UBR4: variants seen among roughly 807,000 people sequenced by gnomAD.
UBR4 encodes the protein ubiquitin protein ligase E3 component n-recognin 4, also known as E3 ubiquitin-protein ligase UBR4.
Under a neutral mutation model 575.6 loss-of-function variants are expected in UBR4, and 124 were observed. That is an observed-to-expected ratio of 0.22 (90% confidence interval 0.19 to 0.25). The LOEUF is 0.25. Among genes scored for constraint, UBR4 ranks in the 10% least tolerant of loss-of-function variants. The probability of loss-of-function intolerance (pLI) is 1.00; values close to 1 mark genes in which losing one functional copy is unlikely to be tolerated. For synonymous variants in UBR4, 2,455 were observed against 2,473.7 expected (o/e 0.99, Z 0.22); for missense variants, 4,818 against 6,478.8 (o/e 0.74, Z 8.80).
At chr1:19,186,193 A>T (rs57395829) in intron 14 of UBR4, among the ~76,000 whole-genome samples, 3 of 152,202 alleles carry the variant, frequency 2.0e-5, no homozygotes, top group Non-Finnish European at 4.4e-5. Context: ...AACACCTCAC[A>T]TGTGACCTTT....
chr1:19,133,411 A>T (rs926952647), intron 60 of UBR4, among the ~76,000 whole-genome samples: 4 of 152,222 alleles, frequency 2.6e-5, no homozygotes, highest in Non-Finnish European at 5.9e-5. Context: ...ATAAATATCC[A>T]TAAAAAACCC....
intron 49 of UBR4, among the ~76,000 whole-genome samples, chr1:19,150,242 T>A (rs2085480899): frequency 1.3e-5 from 2 of 152,156 alleles, no homozygotes; most frequent in African/African-American, 4.8e-5. Context: ...TGTTTTCCTA[T>A]CATTTCAGCA....
intron 105 of UBR4, 200 bp from the exon 106 acceptor site, chr1:19,075,096 C>T: frequency 1.6e-6 from 1 of 612,894 alleles, no homozygotes; most frequent in South Asian, 1.9e-5. Flanking sequence ...GTTCCAGAAG[C>T]AGGCACTGCT....
chr1:19,179,016 C>T, intron 18 of UBR4, 35 bp downstream of exon 18: 1 of 1,592,998 alleles, frequency 6.3e-7, no homozygotes, highest in South Asian at 1.2e-5. Flanking sequence ...AAGGAAATAA[C>T]TTTCTCTATA....
chr1:19,186,928 T>C (rs938631917), intron 13 of UBR4, among the ~76,000 whole-genome samples: 1 of 152,132 alleles, frequency 6.6e-6, no homozygotes, highest in East Asian at 1.9e-4. Flanking sequence ...TAGCCACGTG[T>C]ATCACAAAAC....
In UBR4 at chr1:19,077,989, T is replaced by C. The variant is rs913599781; in HGVS notation, c.15311A>G (p.Tyr5104Cys). ...LLFWALVDLI[Y>C]NMFKKVPTSN... ...CAGCCTCCTTACCTTAAACATGTTG[T>C]AAATGAGATCGACGAGGGCCCAAAA... The change falls in exon 104 of 106, where the codon TAC becomes TGC. Residue 5104 changes from tyrosine to cysteine, a missense_variant. Transcript: ENST00000375254. 6.2e-7 allele frequency: 1 copy of C among 1,613,888 alleles called. No individual in the cohort carries two copies. The highest frequency in any genetic ancestry group is 1.3e-5 in the African/African-American group (1 of 74,866).
At chr1:19,203,563 T>C (rs1199994266) in intron 1 of UBR4, among the ~76,000 whole-genome samples, 1 of 151,286 alleles carries the variant, frequency 6.6e-6, no homozygotes, top group Non-Finnish European at 1.5e-5. Flanking sequence ...CTCCATTCAC[T>C]GCCTGCAAGA....
At chr1:19,114,659 A>G (rs2080280792) in intron 75 of UBR4, 152 bp downstream of exon 75, 3 of 960,920 alleles carry the variant, frequency 3.1e-6, no homozygotes, top group Non-Finnish European at 3.1e-6. Flanking sequence ...ACCTCATGCC[A>G]TTCTTTGCTC....
At chr1:19,181,865 A>T (rs183367359) in intron 17 of UBR4, among the ~76,000 whole-genome samples, 5 of 152,332 alleles carry the variant, frequency 3.3e-5, no homozygotes, top group Admixed American at 3.3e-4. Context: ...CATTAAGCAC[A>T]TACACATTAT....
chr1:19,187,601 G>C, intron 11 of UBR4, 61 bp from the exon 12 acceptor site: 2 of 1,545,192 alleles, frequency 1.3e-6, no homozygotes, highest in Non-Finnish European at 8.9e-7. Flanking sequence ...TACAACTTCT[G>C]AAGCAGTGGA....
At position 19,120,199 on chromosome 1, in the gene UBR4, G is replaced by C. The variant is rs1386381917; in HGVS notation, c.10291C>G (p.Leu3431Val). The change falls in exon 69 of 106, where the codon CTG (leucine) becomes GTG (valine). Residue 3431 changes from leucine (L) to valine (V), a missense_variant. Transcript: ENST00000375254. ...SSSVRWQAHC[L>V]TLHIYRNSSK... ...CCCTACCTGTAGATGTGCAGTGTCA[G>C]ACAGTGGGCCTGCCAGCGCACCGAG... is the stretch of plus-strand genomic sequence containing the variant. 1.9e-6 allele frequency: 3 copies of C among 1,614,062 alleles called. No homozygotes were observed. Among genetic ancestry groups the C allele is most frequent in the Non-Finnish European group, 2.5e-6 (3 of 1,180,024 alleles).
chr1:19,141,884 C>T, intron 55 of UBR4, 107 bp from the exon 56 acceptor site: 2 of 1,504,344 alleles, frequency 1.3e-6, no homozygotes, highest in South Asian at 1.3e-5. Flanking sequence ...TACCAGCTAG[C>T]ACCCTGGGCT....
At chr1:19,149,002 GACAC>G (rs1443981734) in intron 49 of UBR4, among the ~76,000 whole-genome samples, 2 of 152,188 alleles carry the variant, frequency 1.3e-5, no homozygotes, top group African/African-American at 2.4e-5. Context: ...TGGGCAAAAG[GACAC>G]ACAAAGGGAA....
intron 92 of UBR4, 119 bp from the exon 93 acceptor site, chr1:19,095,771 G>A (rs1254446453): frequency 1.2e-6 from 1 of 860,930 alleles, no homozygotes; most frequent in African/African-American, 1.7e-5. Flanking sequence ...CTCCTGAAAT[G>A]AAGAGGACAG....
chr1:19,106,767 G>T, intron 82 of UBR4, 41 bp from the exon 83 acceptor site: 1 of 1,600,434 alleles, frequency 6.2e-7, no homozygotes. Context: ...GTAAGTAAAT[G>T]AGAGTGACAG....
intron 7 of UBR4, 139 bp from the exon 8 acceptor site, chr1:19,197,404 G>A (rs561677896): frequency 8.2e-4 from 1,063 of 1,289,710 alleles, no homozygotes; most frequent in Admixed American, 1.0e-3. Flanking sequence ...CAAGGCAGGA[G>A]GATTGCTTGA....
chr1:19,116,024 T>TA (rs2080485492), intron 73 of UBR4, among the ~76,000 whole-genome samples: 1 of 152,180 alleles, frequency 6.6e-6, no homozygotes, highest in Admixed American at 6.5e-5. Flanking sequence ...CAGGCTATTT[T>TA]AGAGAGGCAG....
chr1:19,087,788 G>A (rs756685587), intron 99 of UBR4, 28 bp downstream of exon 99: 29 of 1,583,194 alleles, frequency 1.8e-5, no homozygotes, highest in African/African-American at 4.0e-5. Flanking sequence ...TGGGCCCTCA[G>A]GACCGACCGT....
In UBR4 at chr1:19,157,917, C is replaced by T; in HGVS notation, c.5658G>A (p.Arg1886=). The change falls in exon 40 of 106, where the codon CGG becomes CGA. Residue 1886 remains arginine, a synonymous_variant. Coordinates refer to ENST00000375254, the MANE Select transcript of UBR4 (RefSeq NM_020765.3). This position sits in a 1 kb window ranked among gnomAD's most constrained non-coding sequence, Gnocchi z 4.4. Reference sequence around the variant, plus strand: ...TGAGCACATGAGCACTGATCAGCTGCCGGATGGTCTGGCCCTGGTCTCCAC... The same window carrying T: ...TGAGCACATGAGCACTGATCAGCTGTCGGATGGTCTGGCCCTGGTCTCCAC... ...NYSGDQGQTI[R]QLISAHVLRR... is the part of the protein sequence containing the mutation. 6.2e-7 allele frequency: 1 copy of T among 1,614,224 alleles called. No homozygotes were observed. Among genetic ancestry groups the T allele is most frequent in the Non-Finnish European group, 8.5e-7 (1 of 1,180,026 alleles).
Sources: gnomAD v4.1 joint callset for allele counts (sites outside exome capture counted in the v4.1 genomes callset) on GRCh38, gnomAD v4.1.1 for gene constraint, Gnocchi (gnomAD v3.1) non-coding constraint, MANE v1.5 for transcripts, NCBI Gene and HGNC (gene_info 2026-07-23, HGNC 2026-07-21) for gene names.